SAMD12: variants seen among roughly 807,000 people sequenced by gnomAD.
SAMD12 encodes sterile alpha motif domain containing 12.
In SAMD12, 9 loss-of-function variants were observed where a neutral mutation model predicts 15.0. That is an observed-to-expected ratio of 0.60 (90% confidence interval 0.36 to 1.05). The LOEUF is 1.05. Among genes scored for constraint, SAMD12 ranks in the 50% least tolerant of loss-of-function variants. The pLI is 0.01. For synonymous variants in SAMD12, 86 were observed against 90.1 expected, an observed-to-expected ratio of 0.96 and a Z score of 0.25; for missense variants, 230 against 234.2, an observed-to-expected ratio of 0.98 and a Z score of 0.12.
Position 118,533,038 on chromosome 8 carries a change from C to T in SAMD12, c.192+47677G>A, listed in dbSNP as rs565121338. Among the ~76,000 whole-genome samples the T allele has an allele frequency of 2.6e-5, 4 of 152,082 alleles. No homozygotes were observed. In the South Asian group the frequency reaches 6.2e-4, roughly 24 times the overall value. On this transcript the variant is annotated intron_variant, in intron 2 of 3. Transcript: ENST00000314727. Reference sequence around the variant, plus strand: ...TCTTTTAATTGTGATGTTAGGGTGTCAATTTTAGATCTTTCCTGCTTTCTC... The same window carrying T: ...TCTTTTAATTGTGATGTTAGGGTGTTAATTTTAGATCTTTCCTGCTTTCTC...
At chr8:118,141,067 A>T in the SAMD12 span, among the ~76,000 whole-genome samples, 2 of 152,240 alleles carry the variant, frequency 1.3e-5, no homozygotes, top group Non-Finnish European at 2.9e-5. Context: ...TTCAACTGAC[A>T]TTTATTGAGT....
chr8:118,489,232 T>C (rs1824370312), intron 2 of SAMD12, among the ~76,000 whole-genome samples: 1 of 152,218 alleles, frequency 6.6e-6, no homozygotes, highest in Admixed American at 6.5e-5. Context: ...CTTTATATAC[T>C]CTGGATATAA....
intron 4 of SAMD12, among the ~76,000 whole-genome samples, chr8:118,327,483 A>G (rs1175599204): frequency 6.6e-6 from 1 of 152,200 alleles, no homozygotes; most frequent in African/African-American, 2.4e-5. Flanking sequence ...GTTACTCCAC[A>G]TGGGATTGTT....
intron 2 of SAMD12, among the ~76,000 whole-genome samples, chr8:118,465,488 GTCT>G (rs1823568231): frequency 1.3e-5 from 2 of 152,076 alleles, no homozygotes; most frequent in South Asian, 2.1e-4. Context: ...TTTGTCAGTT[GTCT>G]TCTTGTTATT....
At chr8:118,162,751 G>C in the SAMD12 span, among the ~76,000 whole-genome samples, 1 of 152,288 alleles carries the variant, frequency 6.6e-6, no homozygotes, top group African/African-American at 2.4e-5. Flanking sequence ...TGCAGGCATA[G>C]AGAATGAGAA....
At chr8:118,563,487 C>T (rs1455511976) in intron 2 of SAMD12, among the ~76,000 whole-genome samples, 1 of 152,136 alleles carries the variant, frequency 6.6e-6, no homozygotes, top group Non-Finnish European at 1.5e-5. Flanking sequence ...GGGAAACTCT[C>T]AGAACACTGA....
chr8:118,149,728 T>C, the SAMD12 span, among the ~76,000 whole-genome samples: 32 of 152,172 alleles, frequency 2.1e-4, no homozygotes, highest in Non-Finnish European at 3.5e-4. Context: ...ATGCCCATGA[T>C]CCGTTTTTAT....
intron 3 of SAMD12, among the ~76,000 whole-genome samples, chr8:118,380,466 ACCTTTCTTT>A (rs1268687010): frequency 6.6e-6 from 1 of 152,124 alleles, no homozygotes; most frequent in African/African-American, 2.4e-5. Context: ...CCTCTCTTCA[ACCTTTCTTT>A]CCCTGTATAC....
rs536990635 is a variant in SAMD12, at chr8:118,440,782, T to C, written c.193-821A>G. Among the ~76,000 whole-genome samples, 4 of 152,102 alleles carry C rather than the reference T, an allele frequency of 2.6e-5. No homozygotes were observed. In the South Asian group the frequency reaches 6.2e-4, roughly 24 times the overall value. Reference sequence around the variant, plus strand: ...AATGATGGATTACAAATACATTTATTAGTGAATAAGCATCAATTTCATGCC... The same window carrying C: ...AATGATGGATTACAAATACATTTATCAGTGAATAAGCATCAATTTCATGCC... On this transcript the variant is annotated intron_variant, in intron 2 of 3. Transcript: ENST00000314727.
chr8:118,287,188 T>C (rs1286038623), intron 4 of SAMD12, among the ~76,000 whole-genome samples: 1 of 151,162 alleles, frequency 6.6e-6, no homozygotes, highest in East Asian at 1.9e-4. Context: ...ACAGTGGCTC[T>C]ATCTCGGCTC....
chr8:118,192,333 G>A (rs1022886535), exon 5 of SAMD12: 31 of 152,128 alleles, frequency 2.0e-4, no homozygotes, highest in African/African-American at 7.5e-4. Context: ...TGTGGCAAAA[G>A]CCATATGAAA....
chr8:118,597,372 T>A (rs1433288242), intron 1 of SAMD12, among the ~76,000 whole-genome samples: 1 of 152,182 alleles, frequency 6.6e-6, no homozygotes, highest in East Asian at 1.9e-4. Context: ...ACCCCCATGG[T>A]TGCTTTAATT....
chr8:118,248,650 G>A (rs1812751900), intron 4 of SAMD12, among the ~76,000 whole-genome samples: 1 of 151,388 alleles, frequency 6.6e-6, no homozygotes, highest in Non-Finnish European at 1.5e-5. Flanking sequence ...TTATACATCA[G>A]AAGATGTACA....
intron 3 of SAMD12, among the ~76,000 whole-genome samples, chr8:118,432,046 G>A (rs2130871522): frequency 6.6e-6 from 1 of 152,126 alleles, no homozygotes; most frequent in African/African-American, 2.4e-5. Context: ...CCCCTTGAAG[G>A]CACTCTTACT....
rs180828882 is a variant in SAMD12 at position 118,542,986 on chromosome 8, A to G, written c.192+37729T>C. ...AGAGGGAATGGAAGAAGTGAAGGAA[A>G]GAGGGAGGCGAGAAAATAAGGAAGG... is the stretch of plus-strand genomic sequence containing the variant. On this transcript the variant is annotated intron_variant, in intron 2 of 3. Coordinates refer to ENST00000314727, the MANE Select transcript of SAMD12 (RefSeq NM_207506.3). 1.5e-3 allele frequency among the ~76,000 whole-genome samples: 230 copies of G among 152,322 alleles called. 1 individual carries two copies. The highest frequency in any genetic ancestry group is 5.2e-3 in the African/African-American group (215 of 41,576).
chr8:118,551,117 C>T lies in SAMD12; in HGVS notation c.192+29598G>A, dbSNP rs142864039. 5.8e-3 allele frequency among the ~76,000 whole-genome samples: 890 copies of T among 152,226 alleles called. 2 individuals are homozygous for T. Among genetic ancestry groups the T allele is most frequent in the African/African-American group, 0.02 (826 of 41,526 alleles). On this transcript the variant is annotated intron_variant, in intron 2 of 3. Transcript: ENST00000314727. ...CCACTGTCAACATTAGACAGATCAA[C>T]GGGACAGAAAGTCAACAAGGATACC...
chr8:118,412,254 T>C (rs908788822), intron 3 of SAMD12, among the ~76,000 whole-genome samples: 12 of 152,258 alleles, frequency 7.9e-5, no homozygotes, highest in African/African-American at 2.4e-4. Context: ...GGACAGATAG[T>C]TCACTGATAT....
chr8:118,316,369 C>CAAAAAAAAAAAAAAAAAAAA (rs71307444), intron 4 of SAMD12, among the ~76,000 whole-genome samples: 2 of 114,146 alleles, frequency 1.8e-5, no homozygotes, highest in African/African-American at 7.6e-5. Flanking sequence ...CCCATGTCTA[C>CAAAAAAAAAAAAAAAAAAAA]AAAAAAAAAA....
At chr8:118,531,778 G>T (rs113014170) in intron 2 of SAMD12, among the ~76,000 whole-genome samples, 4 of 152,284 alleles carry the variant, frequency 2.6e-5, no homozygotes, top group African/African-American at 9.6e-5. Context: ...CACTGACTTT[G>T]TATCCTGAGA....
Sources: allele counts gnomAD v4.1 joint callset (sites outside exome capture counted in the v4.1 genomes callset), GRCh38; gene constraint gnomAD v4.1.1; transcripts MANE v1.5; gene names NCBI Gene and HGNC (gene_info 2026-07-23, HGNC 2026-07-21).